The following IER3IP1 variants were observed in gnomAD, a reference collection of about 807,000 sequenced individuals.
IER3IP1 encodes the protein immediate early response 3 interacting protein 1.
In IER3IP1, 16 loss-of-function variants were observed where a neutral mutation model predicts 12.2. The observed-to-expected ratio is 1.31, with a 90% CI of 0.89 to 1.99. IER3IP1 has a LOEUF of 1.99. Ranked by LOEUF, IER3IP1 falls within the 30% of genes most tolerant of loss-of-function variation. The pLI, the probability that IER3IP1 is intolerant of heterozygous loss-of-function variation, is 0.00. For synonymous variants in IER3IP1, 42 were observed against 40.0 expected (o/e 1.05, Z -0.19); for missense variants, 95 against 95.8 (o/e 0.99, Z 0.03).
intron 1 of IER3IP1, among the ~76,000 whole-genome samples, chr18:47,175,003 T>C (rs893280919): frequency 1.3e-5 from 2 of 152,238 alleles, no homozygotes; most frequent in Non-Finnish European, 2.9e-5. Context: ...ATACTTGTTA[T>C]TGTCATTTGT....
intron 1 of IER3IP1, among the ~76,000 whole-genome samples, chr18:47,162,892 C>G (rs2063984222): frequency 6.6e-6 from 1 of 151,766 alleles, no homozygotes; most frequent in African/African-American, 2.4e-5. Flanking sequence ...GAATAAAAGT[C>G]ATTTTTTTTT....
rs1366413987 is a variant in IER3IP1 at position 47,155,834 on chromosome 18, T to A, written c.*343A>T. 1.1e-5 allele frequency: 2 copies of A among 174,484 alleles called. No individual in the cohort carries two copies. Among genetic ancestry groups the A allele is most frequent in the African/African-American group, 4.7e-5 (2 of 42,226 alleles). 10.8% of individuals were successfully genotyped at this position (174,484 alleles called of 1,614,324 possible). On this transcript the variant is annotated 3_prime_UTR_variant, in exon 3 of 3. Coordinates refer to ENST00000256433, the MANE Select transcript of IER3IP1 (RefSeq NM_016097.5). ...TTCAAAACTTTGAAAAAGAATTTCATCCCTGAGAAGTGAGAGATAGAAAAA... is the reference window on the plus strand; with the variant it reads ...TTCAAAACTTTGAAAAAGAATTTCAACCCTGAGAAGTGAGAGATAGAAAAA...
rs1171399009 is a variant in IER3IP1, at chr18:47,172,510, G to C, written c.91+3677C>G. Among the ~76,000 whole-genome samples, 1 of 152,050 alleles carries C rather than the reference G, an allele frequency of 6.6e-6. No individual in the cohort carries two copies. The highest frequency in any genetic ancestry group is 1.5e-5 in the Non-Finnish European group (1 of 68,012). Reference sequence around the variant, plus strand: ...CTTCAAGATTCCACAGTAGATGCCTGAAACAGAAGATAGTACCCAACCGTA... The same window carrying C: ...CTTCAAGATTCCACAGTAGATGCCTCAAACAGAAGATAGTACCCAACCGTA... On this transcript the variant is annotated intron_variant, in intron 1 of 2. Coordinates refer to ENST00000256433, the MANE Select transcript of IER3IP1 (RefSeq NM_016097.5). This position sits in a 1 kb window ranked among gnomAD's most constrained non-coding sequence, Gnocchi z 4.0.
chr18:47,166,065 A>G (rs1330602475), intron 1 of IER3IP1, among the ~76,000 whole-genome samples: 2 of 152,100 alleles, frequency 1.3e-5, no homozygotes, highest in African/African-American at 4.8e-5. Flanking sequence ...AGTAAGAACA[A>G]TTTTTTGCAG....
At chr18:47,163,796 T>A (rs2063987382) in intron 1 of IER3IP1, among the ~76,000 whole-genome samples, 1 of 152,200 alleles carries the variant, frequency 6.6e-6, no homozygotes, top group African/African-American at 2.4e-5. Flanking sequence ...CCCTCTGCAA[T>A]TAGGTCTTCC....
intron 1 of IER3IP1, among the ~76,000 whole-genome samples, chr18:47,173,141 G>A (rs1275664562): frequency 6.6e-6 from 1 of 152,124 alleles, no homozygotes; most frequent in East Asian, 1.9e-4. Flanking sequence ...GTATCTCATA[G>A]AAATCTCAAA....
At chr18:47,175,592 C>A (rs910269885) in intron 1 of IER3IP1, among the ~76,000 whole-genome samples, 3 of 152,028 alleles carry the variant, frequency 2.0e-5, no homozygotes, top group African/African-American at 7.2e-5. Context: ...GCCTCCCGCC[C>A]GGCTAATTTT....
intron 1 of IER3IP1, among the ~76,000 whole-genome samples, chr18:47,159,754 C>T (rs185946102): frequency 4.3e-4 from 66 of 152,092 alleles, no homozygotes; most frequent in African/African-American, 1.5e-3. Context: ...TGATGTCCTA[C>T]GTCACAATGA....
At chr18:47,161,164 A>G (rs1307334350) in intron 1 of IER3IP1, among the ~76,000 whole-genome samples, 2 of 152,228 alleles carry the variant, frequency 1.3e-5, no homozygotes, top group Non-Finnish European at 1.5e-5. Flanking sequence ...AAAGACTCAA[A>G]TATCAGGAAA....
chr18:47,165,084 A>C (rs567370181), intron 1 of IER3IP1, among the ~76,000 whole-genome samples: 1 of 152,212 alleles, frequency 6.6e-6, no homozygotes, highest in Non-Finnish European at 1.5e-5. Context: ...GCTGACCCTG[A>C]GCAGATCTCA....
At chr18:47,173,720 A>AT (rs2064022496) in intron 1 of IER3IP1, among the ~76,000 whole-genome samples, 1 of 152,124 alleles carries the variant, frequency 6.6e-6, no homozygotes, top group Admixed American at 6.5e-5. Flanking sequence ...CTTAACAGAA[A>AT]TTTTTTCATA....
intron 1 of IER3IP1, among the ~76,000 whole-genome samples, chr18:47,169,568 CTTG>C (rs781430598): frequency 3.9e-5 from 6 of 151,926 alleles, no homozygotes; most frequent in Non-Finnish European, 8.8e-5. Context: ...CTCACCTATA[CTTG>C]TTATTATTTA....
At chr18:47,169,532 T>C (rs900533566) in intron 1 of IER3IP1, among the ~76,000 whole-genome samples, 1 of 152,196 alleles carries the variant, frequency 6.6e-6, no homozygotes, top group African/African-American at 2.4e-5. Flanking sequence ...TTTAACAATA[T>C]ACGACAATTC....
In IER3IP1 at chr18:47,172,633, C is replaced by T. The variant is rs1213581440; in HGVS notation, c.91+3554G>A. Among the ~76,000 whole-genome samples, 2 of 152,200 alleles carry T rather than the reference C, an allele frequency of 1.3e-5. No homozygotes were observed. The highest frequency in any genetic ancestry group is 3.9e-4 in the East Asian group (2 of 5,188). On this transcript the variant is annotated intron_variant, in intron 1 of 2. Coordinates refer to ENST00000256433, the MANE Select transcript of IER3IP1 (RefSeq NM_016097.5). This position sits in a 1 kb window ranked among gnomAD's most constrained non-coding sequence, Gnocchi z 4.0. ...TGGACAAAGGGAAGATTCATGTCCT[C>T]ATGATACAGGATTCATCACGCTACT...
chr18:47,170,725 G>A (rs1211666755), intron 1 of IER3IP1, among the ~76,000 whole-genome samples: 1 of 151,882 alleles, frequency 6.6e-6, no homozygotes, highest in East Asian at 1.9e-4. Flanking sequence ...TTTTTATATA[G>A]TGTTCCTAAA....
intron 1 of IER3IP1, among the ~76,000 whole-genome samples, chr18:47,162,374 G>C (rs940305662): frequency 1.3e-5 from 2 of 151,762 alleles, no homozygotes; most frequent in African/African-American, 4.8e-5. Flanking sequence ...AGTCAAGAAA[G>C]AACAATTCTT....
At chr18:47,175,038 C>T (rs2064027634) in intron 1 of IER3IP1, among the ~76,000 whole-genome samples, 1 of 152,158 alleles carries the variant, frequency 6.6e-6, no homozygotes, top group Non-Finnish European at 1.5e-5. Context: ...GATTAACTTC[C>T]ATCAGAAGGG....
chr18:47,174,069 G>A (rs944793353), intron 1 of IER3IP1, among the ~76,000 whole-genome samples: 4 of 152,180 alleles, frequency 2.6e-5, no homozygotes, highest in African/African-American at 9.7e-5. Context: ...TAGGTATCAA[G>A]GGTTGGGACT....
In IER3IP1 at chr18:47,154,352, G is replaced by A. The variant is rs1369551691; in HGVS notation, c.*1825C>T. On this transcript the variant is annotated 3_prime_UTR_variant, in exon 3 of 3. Coordinates refer to ENST00000256433, the MANE Select transcript of IER3IP1 (RefSeq NM_016097.5). ...ATGACATATTTTGATGTTCAGTTCA[G>A]TGCTTCACTTTCCTCAGAACTACTT... The A allele has an allele frequency of 6.6e-6, 1 of 152,178 alleles. No individual in the cohort carries two copies. Among genetic ancestry groups the A allele is most frequent in the Non-Finnish European group, 1.5e-5 (1 of 68,036 alleles). The allele number at this position is 152,178 out of a possible 1,614,324, so 9.4% of individuals were successfully genotyped here. A position where few individuals can be genotyped will look rare whatever the true frequency, so the allele number is the denominator to read the frequency against.
Sources: gnomAD v4.1 joint callset for allele counts (sites outside exome capture counted in the v4.1 genomes callset) on GRCh38, gnomAD v4.1.1 for gene constraint, Gnocchi (gnomAD v3.1) non-coding constraint, MANE v1.5 for transcripts, NCBI Gene and HGNC (gene_info 2026-07-23, HGNC 2026-07-21) for gene names.